AXIN1: variants seen among roughly 807,000 people sequenced by gnomAD.
AXIN1 encodes the protein axin-1.
A neutral mutation model predicts 76.4 loss-of-function variants in AXIN1; 30 were observed. The observed-to-expected ratio is 0.39, with a 90% CI of 0.29 to 0.53. The LOEUF is 0.53. AXIN1 is among the 20% of genes least tolerant of loss of function. AXIN1 has a pLI of 0.66. For missense variants in AXIN1, 1,140 were observed against 1,198.8 expected, an observed-to-expected ratio of 0.95 and a Z score of 0.72; for synonymous variants, 545 against 501.4, an observed-to-expected ratio of 1.09 and a Z score of -1.16.
chr16:293,808 C>T lies in AXIN1; in HGVS notation c.1956-90G>A. On this transcript the variant is annotated intron_variant, in intron 7 of 10. Transcript: ENST00000262320. This position sits in a 1 kb window ranked among gnomAD's most constrained non-coding sequence, Gnocchi z 4.6. Reference sequence around the variant, plus strand: ...TACACTCATCTCACAAGGGCAGCCTCCTTGAGGGATAGGATGGGATGGGGC... The same window carrying T: ...TACACTCATCTCACAAGGGCAGCCTTCTTGAGGGATAGGATGGGATGGGGC... The T allele has an allele frequency of 7.7e-7, 1 of 1,304,900 alleles. No homozygotes were observed. The highest frequency in any genetic ancestry group is 1.7e-5 in the Admixed American group (1 of 59,396). 80.8% of individuals were successfully genotyped at this position (1,304,900 alleles called of 1,614,324 possible). A position where few individuals can be genotyped will look rare whatever the true frequency, so the allele number is the denominator to read the frequency against.
At chr16:346,075 A>G in intron 2 of AXIN1, 73 bp downstream of exon 2, 1 of 1,511,054 alleles carries the variant, frequency 6.6e-7, no homozygotes, top group Non-Finnish European at 9.1e-7. Flanking sequence ...CCGCCTCATC[A>G]GCACCTTTCC....
rs571127749 is a variant in AXIN1, at chr16:290,070, G to A, written c.2295-463C>T. 608 of 246,612 alleles carry A rather than the reference G, an allele frequency of 2.5e-3. 6 individuals carry two copies. Among genetic ancestry groups the A allele is most frequent in the Admixed American group, 0.015 (296 of 19,380 alleles). The allele number at this position is 246,612 out of a possible 1,614,324, so 15.3% of individuals were successfully genotyped here. ...AGGACTGGGGCGGGGGTGGCCAGCA[G>A]GCCCTTCAGAGGGGGCAGGGCTGGC... On this transcript the variant is annotated intron_variant, in intron 9 of 10. Transcript: ENST00000262320.
Position 325,307 on chromosome 16 carries a change from C to T in AXIN1, c.879-10624G>A, listed in dbSNP as rs973093022. ...AGTCTCATGGGGAGCTAGTGCCCCC[C>T]GCTGCTCCGGCGCCCCCTCCGCTCT... On this transcript the variant is annotated intron_variant, in intron 2 of 10. Coordinates refer to ENST00000262320, the MANE Select transcript of AXIN1 (RefSeq NM_003502.4). 2.6e-5 allele frequency among the ~76,000 whole-genome samples: 4 copies of T among 152,094 alleles called. No homozygotes were observed. In the East Asian group the frequency reaches 7.7e-4, roughly 29 times the overall value.
intron 9 of AXIN1, 62 bp downstream of exon 9, chr16:291,128 C>A (rs1327923569): frequency 6.7e-7 from 1 of 1,495,880 alleles, no homozygotes; most frequent in East Asian, 2.4e-5. Context: ...TACGATGGGA[C>A]CTGGCTTGGG....
intron 5 of AXIN1, chr16:299,353 T>C (rs532301291): frequency 1.0e-4 from 63 of 623,576 alleles, no homozygotes; most frequent in East Asian, 1.4e-4. Flanking sequence ...CATGTATCTA[T>C]GTATGTATTT....
chr16:288,449 G>C (rs183623020), intron 10 of AXIN1: 1 of 763,916 alleles, frequency 1.3e-6, no homozygotes, highest in Non-Finnish European at 2.1e-6. Context: ...GCAGCCATGG[G>C]GGGTGAGTTC....
Position 297,291 on chromosome 16 carries a change from C to T in AXIN1, c.1785-65G>A, listed in dbSNP as rs2052738436. On this transcript the variant is annotated intron_variant, in intron 6 of 10. Coordinates refer to ENST00000262320, the MANE Select transcript of AXIN1 (RefSeq NM_003502.4). ...GGCCGAGGCTGTGCCCCTTCCTCGTCTGCGAGGCCCCCTCCTGGCATCTGT... is the reference window on the plus strand; with the variant it reads ...GGCCGAGGCTGTGCCCCTTCCTCGTTTGCGAGGCCCCCTCCTGGCATCTGT... 5 of 1,586,228 alleles carry T rather than the reference C, an allele frequency of 3.2e-6. No individual in the cohort carries two copies. The South Asian group carries it at 5.5e-5, about 18-fold the overall frequency.
chr16:347,782 A>T (rs942494919), intron 1 of AXIN1, among the ~76,000 whole-genome samples: 2 of 152,164 alleles, frequency 1.3e-5, no homozygotes, highest in African/African-American at 4.8e-5. Flanking sequence ...CCATCGACCG[A>T]GGGATCAAGG....
chr16:288,883 A>G (rs545962034), intron 10 of AXIN1, among the ~76,000 whole-genome samples: 1 of 152,328 alleles, frequency 6.6e-6, no homozygotes, highest in African/African-American at 2.4e-5. Flanking sequence ...GCCTAACACA[A>G]GGTTCAGACC....
At chr16:320,459 A>G (rs923139356) in intron 2 of AXIN1, among the ~76,000 whole-genome samples, 2 of 152,130 alleles carry the variant, frequency 1.3e-5, no homozygotes, top group Non-Finnish European at 2.9e-5. Flanking sequence ...TAAAATCTAA[A>G]CAGAAAAGTT....
In AXIN1 at chr16:297,072, G is replaced by A. The variant is rs781035144; in HGVS notation, c.1939C>T (p.Arg647Cys). The part of the protein sequence containing the change: ...IEGEKEISRH[R>C]RTGHGSSGTR... ...GGTGCTCACCCGTGGCCGGTCCTGC[G>A]GTGCCTGCTGATCTCCTTTTCCCCC... Residue 647 changes from arginine (R) to cysteine (C), a missense_variant, in exon 7 of 11, where the codon CGC (arginine) becomes TGC (cysteine). This residue lies in a region of AXIN1 where 429 missense variants were observed against 405.8 expected (regional missense o/e 1.06). Transcript: ENST00000262320. The A allele has an allele frequency of 5.0e-5, 81 of 1,611,642 alleles. No individual in the cohort carries two copies. Among genetic ancestry groups the A allele is most frequent in the Middle Eastern group, 1.6e-4 (1 of 6,084 alleles).
At position 293,975 on chromosome 16, in the gene AXIN1, C is replaced by G. The variant is rs2052640124; in HGVS notation, c.1956-257G>C. 1.3e-5 allele frequency among the ~76,000 whole-genome samples: 2 copies of G among 148,162 alleles called. No homozygotes were observed. Among genetic ancestry groups the G allele is most frequent in the African/African-American group, 4.9e-5 (2 of 41,094 alleles). On this transcript the variant is annotated intron_variant, in intron 7 of 10. Transcript: ENST00000262320. This position sits in a 1 kb window ranked among gnomAD's most constrained non-coding sequence, Gnocchi z 4.6. ...GGCAGATCACCAGAGGTCGGGAGTT[C>G]GAGATCAACCTAACATGGTGAAACC...
chr16:326,394 T>TACATATATATATATATACACAC (rs2053585317), intron 2 of AXIN1, among the ~76,000 whole-genome samples: 5 of 119,634 alleles, frequency 4.2e-5, no homozygotes, highest in African/African-American at 1.8e-4. Flanking sequence ...TATATATATA[T>TACATATATATATATATACACAC]ACACACCTAT....
At chr16:299,915 A>T (rs946160246) in intron 5 of AXIN1, among the ~76,000 whole-genome samples, 9 of 151,998 alleles carry the variant, frequency 5.9e-5, no homozygotes, top group African/African-American at 2.2e-4. Context: ...TCGGCCTCCC[A>T]AAGTGCTGGG....
At chr16:311,037 A>AT (rs1192114922) in intron 3 of AXIN1, among the ~76,000 whole-genome samples, 3 of 151,636 alleles carry the variant, frequency 2.0e-5, no homozygotes, top group East Asian at 1.9e-4. Context: ...GTTTTCTTTT[A>AT]TTTTTTTCTT....
At chr16:336,697 A>T (rs1041145610) in intron 2 of AXIN1, among the ~76,000 whole-genome samples, 2 of 151,882 alleles carry the variant, frequency 1.3e-5, no homozygotes, top group African/African-American at 4.8e-5. Context: ...CATGTCTGTA[A>T]TCCCAGCTAC....
chr16:351,912 A>G (rs961969858), intron 1 of AXIN1, among the ~76,000 whole-genome samples: 9 of 152,080 alleles, frequency 5.9e-5, no homozygotes, highest in Admixed American at 5.2e-4. Flanking sequence ...GGTAGAATCT[A>G]AGAACCACAC....
chr16:315,496 T>G (rs2053278663), intron 2 of AXIN1, among the ~76,000 whole-genome samples: 2 of 152,178 alleles, frequency 1.3e-5, no homozygotes, highest in South Asian at 4.1e-4. Flanking sequence ...TTAACATTGC[T>G]CAGGTTGATT....
intron 3 of AXIN1, 95 bp downstream of exon 3, chr16:314,448 G>A (rs2141591320): frequency 1.3e-6 from 2 of 1,567,792 alleles, no homozygotes; most frequent in Non-Finnish European, 1.7e-6. Flanking sequence ...TCTGGGGCAG[G>A]ACTTACACAT....
Sources: allele counts gnomAD v4.1 joint callset (sites outside exome capture counted in the v4.1 genomes callset), GRCh38; gene constraint gnomAD v4.1.1; regional missense constraint gnomAD v4.1.1; non-coding constraint Gnocchi (gnomAD v3.1); transcripts MANE v1.5; gene names NCBI Gene and HGNC (gene_info 2026-07-23, HGNC 2026-07-21).